CLPB: variants seen among roughly 807,000 people sequenced by gnomAD.
The protein encoded by CLPB is ClpB family mitochondrial disaggregase, also known as mitochondrial disaggregase.
In CLPB, 40 loss-of-function variants were observed where a neutral mutation model predicts 78.4. The ratio of observed to expected loss-of-function variants is 0.51; its 90% confidence interval spans 0.40 to 0.66. The LOEUF (loss-of-function observed/expected upper bound fraction) is 0.66, where lower values mean the gene tolerates loss of function less well. Ranked by LOEUF, CLPB falls within the 30% of genes least tolerant of loss-of-function variation. CLPB has a pLI of 0.00. For synonymous variants in CLPB, 333 were observed against 348.0 expected (o/e 0.96, Z 0.48); for missense variants, 780 against 886.9 (o/e 0.88, Z 1.53).
chr11:72,387,858 G>A (rs576153698), intron 3 of CLPB, among the ~76,000 whole-genome samples: 10 of 152,180 alleles, frequency 6.6e-5, no homozygotes, highest in East Asian at 3.9e-4. Flanking sequence ...TCCAAGTGTC[G>A]ATCTAAACTC....
At chr11:72,304,232 T>G (rs1949707822) in intron 9 of CLPB, 1 of 152,248 alleles carries the variant, frequency 6.6e-6, no homozygotes, top group Admixed American at 6.5e-5. Flanking sequence ...ACATCCAACA[T>G]GTACTGATTG....
chr11:72,344,925 G>T (rs1358268991), intron 5 of CLPB, among the ~76,000 whole-genome samples: 1 of 152,146 alleles, frequency 6.6e-6, no homozygotes, highest in African/African-American at 2.4e-5. Flanking sequence ...CCAAACATAT[G>T]AATTGATGTT....
chr11:72,396,563 T>C (rs1855412773), intron 3 of CLPB, among the ~76,000 whole-genome samples: 1 of 152,222 alleles, frequency 6.6e-6, no homozygotes, highest in Admixed American at 6.5e-5. Context: ...GCTCCCAGTC[T>C]GTAACCTCAA....
chr11:72,415,801 T>G (rs1424343391), intron 2 of CLPB, among the ~76,000 whole-genome samples: 1 of 152,162 alleles, frequency 6.6e-6, no homozygotes, highest in Non-Finnish European at 1.5e-5. Flanking sequence ...CGGGCCATAT[T>G]AATAGAAGTA....
intron 5 of CLPB, among the ~76,000 whole-genome samples, chr11:72,358,043 C>T (rs1169547889): frequency 1.3e-5 from 2 of 152,166 alleles, no homozygotes; most frequent in Non-Finnish European, 2.9e-5. Flanking sequence ...CCCACACTCT[C>T]CCAAGGAGAG....
chr11:72,354,368 G>A, intron 5 of CLPB: 1 of 398,406 alleles, frequency 2.5e-6, no homozygotes, highest in Non-Finnish European at 4.4e-6. Flanking sequence ...TGGAGAATGA[G>A]GGCTCAATTC....
chr11:72,393,053 GA>G (rs1487004445), intron 3 of CLPB, among the ~76,000 whole-genome samples: 1 of 152,202 alleles, frequency 6.6e-6, no homozygotes, highest in African/African-American at 2.4e-5. Context: ...AGACAGAGGT[GA>G]TATAATTAGG....
At chr11:72,397,260 T>C (rs779247885) in intron 3 of CLPB, among the ~76,000 whole-genome samples, 2 of 152,252 alleles carry the variant, frequency 1.3e-5, no homozygotes, top group African/African-American at 2.4e-5. Flanking sequence ...CACAATTTGT[T>C]GGTCCATTCA....
chr11:72,393,893 C>T (rs888410866), intron 3 of CLPB, among the ~76,000 whole-genome samples: 9 of 152,122 alleles, frequency 5.9e-5, no homozygotes, highest in African/African-American at 1.7e-4. Context: ...ATTTAATGTC[C>T]CCTATTTTTT....
intron 6 of CLPB, among the ~76,000 whole-genome samples, chr11:72,323,039 A>G (rs1950071077): frequency 6.6e-6 from 1 of 152,204 alleles, no homozygotes; most frequent in African/African-American, 2.4e-5. Flanking sequence ...GGAGATAAGG[A>G]AAGACTTGCC....
At chr11:72,383,429 G>A (rs956582157) in intron 3 of CLPB, among the ~76,000 whole-genome samples, 2 of 151,664 alleles carry the variant, frequency 1.3e-5, no homozygotes, top group South Asian at 4.2e-4. Flanking sequence ...TACTCGGAAG[G>A]CTGAGGCAGG....
intron 1 of CLPB, among the ~76,000 whole-genome samples, chr11:72,431,193 C>G (rs2135171173): frequency 6.6e-6 from 1 of 152,338 alleles, no homozygotes; most frequent in Non-Finnish European, 1.5e-5. Flanking sequence ...ATTGGACTGA[C>G]TCAGAAAAAC....
intron 2 of CLPB, among the ~76,000 whole-genome samples, chr11:72,405,051 C>G (rs751758392): frequency 1.3e-5 from 2 of 152,190 alleles, no homozygotes; most frequent in Admixed American, 1.3e-4. Context: ...GGGATGGCCT[C>G]GCTTCTCTGA....
intron 2 of CLPB, among the ~76,000 whole-genome samples, chr11:72,422,327 C>T (rs1342397143): frequency 6.6e-6 from 1 of 151,022 alleles, no homozygotes; most frequent in Non-Finnish European, 1.5e-5. Context: ...CAGTGGGGAC[C>T]CCATGAACAA....
chr11:72,308,395 C>T (rs943366298), intron 8 of CLPB, 132 bp downstream of exon 8: 12 of 704,264 alleles, frequency 1.7e-5, no homozygotes, highest in East Asian at 1.1e-4. Flanking sequence ...ATCTGGAGGC[C>T]GTTGCTTTTA....
intron 2 of CLPB, among the ~76,000 whole-genome samples, chr11:72,417,599 A>G (rs1239409325): frequency 1.3e-5 from 2 of 152,230 alleles, no homozygotes; most frequent in Non-Finnish European, 2.9e-5. Context: ...ATTTTATGGT[A>G]TGTGAATTAT....
intron 4 of CLPB, among the ~76,000 whole-genome samples, chr11:72,374,093 T>C (rs1178765254): frequency 6.6e-6 from 1 of 152,048 alleles, no homozygotes; most frequent in Non-Finnish European, 1.5e-5. Context: ...GAGAATCCCC[T>C]TTACAGAATC....
chr11:72,381,647 A>G (rs1217155797), intron 3 of CLPB, among the ~76,000 whole-genome samples: 1 of 152,110 alleles, frequency 6.6e-6, no homozygotes, highest in Non-Finnish European at 1.5e-5. Flanking sequence ...CTGCCCTAGC[A>G]CTGGGTCAGC....
chr11:72,295,136 C>T lies in CLPB; in HGVS notation c.1486+356G>A, dbSNP rs571082728. Among the ~76,000 whole-genome samples, 12 of 152,278 alleles carry T rather than the reference C, an allele frequency of 7.9e-5. No individual in the cohort carries two copies. In the South Asian group the frequency reaches 1.0e-3, roughly 13 times the overall value. On this transcript the variant is annotated intron_variant, in intron 12 of 15. Coordinates refer to ENST00000538039, the MANE Select transcript of CLPB (RefSeq NM_001258392.3). ...GCTGTGTCCACTGCCATAGAGTTTT[C>T]GATCTGCTGTCCCCTTCTTGCACCA...
Sources: gnomAD v4.1 joint callset for allele counts (sites outside exome capture counted in the v4.1 genomes callset) on GRCh38, gnomAD v4.1.1 for gene constraint, MANE v1.5 for transcripts, NCBI Gene and HGNC (gene_info 2026-07-23, HGNC 2026-07-21) for gene names.